The following CWC27 variants were observed in gnomAD, a reference collection of about 807,000 sequenced individuals.
CWC27 encodes CWC27 spliceosome associated cyclophilin.
CWC27 carries 47 observed loss-of-function variants against 63.6 expected under a neutral mutation model. That is an observed-to-expected ratio of 0.74 (90% CI 0.58 to 0.94). The LOEUF is 0.94. Ranked by LOEUF, CWC27 falls within the 40% of genes least tolerant of loss-of-function variation. CWC27 has a pLI of 0.00. For synonymous variants in CWC27, 175 were observed against 179.8 expected, an observed-to-expected ratio of 0.97 and a Z score of 0.22; for missense variants, 495 against 554.3, an observed-to-expected ratio of 0.89 and a Z score of 1.07.
chr5:64,919,468 T>A (rs1747954916), intron 11 of CWC27, among the ~76,000 whole-genome samples: 1 of 152,190 alleles, frequency 6.6e-6, no homozygotes, highest in Admixed American at 6.5e-5. Flanking sequence ...GTAGTGAGCA[T>A]AGTACCCTAT....
intron 10 of CWC27, among the ~76,000 whole-genome samples, chr5:64,854,774 A>C (rs1746212789): frequency 6.6e-6 from 1 of 152,146 alleles, no homozygotes; most frequent in African/African-American, 2.4e-5. Context: ...ATAAATACCC[A>C]TCACTGTCCT....
intron 10 of CWC27, among the ~76,000 whole-genome samples, chr5:64,857,928 G>A (rs1746293522): frequency 6.6e-6 from 1 of 150,790 alleles, no homozygotes; most frequent in Middle Eastern, 3.2e-3. Context: ...ACGAGGTCAG[G>A]AGATCGAGAC....
At chr5:64,775,387 A>G (rs761636227) in intron 2 of CWC27, among the ~76,000 whole-genome samples, 1 of 152,018 alleles carries the variant, frequency 6.6e-6, no homozygotes, top group Non-Finnish European at 1.5e-5. Context: ...TTTATATGGT[A>G]TTTGAATCCT....
intron 11 of CWC27, among the ~76,000 whole-genome samples, chr5:64,967,603 G>A (rs6864872): frequency 0.066 from 9,968 of 151,842 alleles, 827 homozygotes; most frequent in African/African-American, 0.19. Context: ...AGAAGAGAGT[G>A]TATAGAAATA....
At chr5:64,964,214 C>A (rs552401649) in intron 11 of CWC27, among the ~76,000 whole-genome samples, 1 of 152,228 alleles carries the variant, frequency 6.6e-6, no homozygotes, top group South Asian at 2.1e-4. Context: ...TCTTTTCCAC[C>A]TGGAATTTAT....
chr5:64,923,924 T>C (rs977199864), intron 11 of CWC27, among the ~76,000 whole-genome samples: 5 of 152,076 alleles, frequency 3.3e-5, no homozygotes, highest in African/African-American at 1.2e-4. Flanking sequence ...CAAATTAAAT[T>C]TTTTTAGTGT....
intron 11 of CWC27, among the ~76,000 whole-genome samples, chr5:64,929,308 G>A (rs1040742301): frequency 6.6e-6 from 1 of 151,780 alleles, no homozygotes; most frequent in Non-Finnish European, 1.5e-5. Context: ...AGGAACCAGG[G>A]TAATTTGAAG....
intron 11 of CWC27, among the ~76,000 whole-genome samples, chr5:64,951,463 T>C (rs1056439689): frequency 1.3e-5 from 2 of 152,018 alleles, no homozygotes; most frequent in African/African-American, 4.8e-5. Context: ...CTACAAGTCC[T>C]TTATCAGATA....
At chr5:64,848,635 T>A (rs945064378) in intron 10 of CWC27, among the ~76,000 whole-genome samples, 34 of 152,140 alleles carry the variant, frequency 2.2e-4, no homozygotes, top group Admixed American at 9.2e-4. Flanking sequence ...AAGGATTCTC[T>A]ACCATGATCA....
At chr5:64,859,846 T>C (rs1260759795) in intron 10 of CWC27, among the ~76,000 whole-genome samples, 16 of 152,210 alleles carry the variant, frequency 1.1e-4, no homozygotes, top group Admixed American at 6.5e-5. Flanking sequence ...TTCATTTTTT[T>C]CATTCTTAGA....
At chr5:64,806,158 C>T (rs1744660892) in intron 10 of CWC27, among the ~76,000 whole-genome samples, 1 of 145,176 alleles carries the variant, frequency 6.9e-6, no homozygotes, top group Non-Finnish European at 1.5e-5. Context: ...TATCCACTTA[C>T]TTATGTAAAC....
At chr5:64,829,641 C>CTTTT (rs564183984) in intron 10 of CWC27, among the ~76,000 whole-genome samples, 3 of 126,260 alleles carry the variant, frequency 2.4e-5, no homozygotes, top group African/African-American at 8.9e-5. Context: ...CTTTTATTCA[C>CTTTT]TTTTTTTTTT....
chr5:64,956,302 A>G (rs1748801700), intron 11 of CWC27, among the ~76,000 whole-genome samples: 1 of 152,122 alleles, frequency 6.6e-6, no homozygotes, highest in Non-Finnish European at 1.5e-5. Flanking sequence ...ATAAAGTTCA[A>G]ATTTCTTTAT....
At chr5:64,829,304 T>C (rs1745450165) in intron 10 of CWC27, among the ~76,000 whole-genome samples, 1 of 152,176 alleles carries the variant, frequency 6.6e-6, no homozygotes, top group Admixed American at 6.6e-5. Context: ...ACTCAACTTA[T>C]GAATGGATCA....
chr5:64,814,274 G>A (rs1162607453), intron 10 of CWC27, among the ~76,000 whole-genome samples: 2 of 151,966 alleles, frequency 1.3e-5, no homozygotes, highest in Non-Finnish European at 2.9e-5. Flanking sequence ...TTTGAACTAG[G>A]TACTGCACTG....
At chr5:64,945,510 T>C (rs1370459353) in intron 11 of CWC27, among the ~76,000 whole-genome samples, 3 of 152,164 alleles carry the variant, frequency 2.0e-5, no homozygotes, top group Non-Finnish European at 4.4e-5. Context: ...ATAGAAGAAT[T>C]ATTACTTGGG....
chr5:64,954,243 G>A (rs1311159814), intron 11 of CWC27, among the ~76,000 whole-genome samples: 1 of 152,076 alleles, frequency 6.6e-6, no homozygotes, highest in Non-Finnish European at 1.5e-5. Flanking sequence ...GTCTCCAAGT[G>A]TAATATCCTG....
chr5:64,871,742 G>A (rs879848526), intron 10 of CWC27, among the ~76,000 whole-genome samples: 5 of 152,052 alleles, frequency 3.3e-5, no homozygotes, highest in Non-Finnish European at 7.4e-5. Context: ...AAATCACAGA[G>A]CCCCAAGGCC....
intron 2 of CWC27, among the ~76,000 whole-genome samples, chr5:64,776,784 T>A (rs1743471786): frequency 6.6e-6 from 1 of 152,122 alleles, no homozygotes; most frequent in Non-Finnish European, 1.5e-5. Context: ...TTTTAAAGCA[T>A]GGTTTCCAGA....
Sources: gnomAD v4.1 joint callset for allele counts (sites outside exome capture counted in the v4.1 genomes callset) on GRCh38, gnomAD v4.1.1 for gene constraint, MANE v1.5 for transcripts, NCBI Gene and HGNC (gene_info 2026-07-23, HGNC 2026-07-21) for gene names.